Variants in STK3 observed in about 807,000 individuals in gnomAD.
STK3 encodes serine/threonine-protein kinase 3.
Under a neutral mutation model 58.0 loss-of-function variants are expected in STK3, and 41 were observed. The observed-to-expected ratio is 0.71, with a 90% CI of 0.55 to 0.92. The LOEUF (loss-of-function observed/expected upper bound fraction) is 0.92. Among genes scored for constraint, STK3 ranks in the 40% least tolerant of loss-of-function variants. The probability of loss-of-function intolerance (pLI) is 0.00; values close to 1 mark genes in which losing one functional copy is unlikely to be tolerated. For missense variants in STK3, 479 were observed against 602.7 expected (o/e 0.79, Z 2.15); for synonymous variants, 170 against 191.0 (o/e 0.89, Z 0.91).
intron 8 of STK3, among the ~76,000 whole-genome samples, chr8:98,563,689 A>C (rs1812245718): frequency 6.6e-6 from 1 of 152,126 alleles, no homozygotes; most frequent in Admixed American, 6.6e-5. Context: ...AACAAAACAA[A>C]ACCGCACAAT....
At chr8:98,597,530 A>G (rs576851416) in intron 6 of STK3, 3 of 985,430 alleles carry the variant, frequency 3.0e-6, no homozygotes, top group East Asian at 2.3e-4. Context: ...GTTCAGAACA[A>G]TGCTATAATT....
At chr8:98,816,964 AG>A (rs1834592488) in intron 1 of STK3, among the ~76,000 whole-genome samples, 1 of 152,200 alleles carries the variant, frequency 6.6e-6, no homozygotes, top group Non-Finnish European at 1.5e-5. Flanking sequence ...TCTCAACCTG[AG>A]GGGTGATTAC....
chr8:98,750,913 T>G lies in STK3; in HGVS notation c.237-1523A>C, dbSNP rs185482902. 2.7e-3 allele frequency among the ~76,000 whole-genome samples: 407 copies of G among 152,322 alleles called. 10 individuals carry two copies. Among genetic ancestry groups the G allele is most frequent in the Admixed American group, 0.021 (328 of 15,290 alleles). ...AAAAACCTAACTCACCACAGTCAAG[T>G]AGGCTTTCTCTTTGGGATGCAAGAT... On this transcript the variant is annotated intron_variant, in intron 3 of 10. Coordinates refer to ENST00000419617, the MANE Select transcript of STK3 (RefSeq NM_006281.4).
At chr8:98,527,608 A>T (rs1021241952) in intron 9 of STK3, among the ~76,000 whole-genome samples, 5 of 152,188 alleles carry the variant, frequency 3.3e-5, no homozygotes, top group African/African-American at 1.2e-4. Flanking sequence ...CAACAGAGCA[A>T]GACCCTGTTC....
chr8:98,413,295 G>A (rs1480890985), intron 3 of STK3: 12 of 448,926 alleles, frequency 2.7e-5, no homozygotes, highest in Middle Eastern at 8.1e-4. Context: ...GATTACAGGC[G>A]CAAGCCACCA....
At chr8:98,832,804 C>A (rs1158513496) in intron 3 of STK3, among the ~76,000 whole-genome samples, 2 of 152,148 alleles carry the variant, frequency 1.3e-5, no homozygotes, top group Non-Finnish European at 2.9e-5. Context: ...TCTCCCTCCC[C>A]TCAGAGGACA....
intron 3 of STK3, chr8:98,413,272 C>A: frequency 2.6e-6 from 1 of 389,166 alleles, no homozygotes; most frequent in Non-Finnish European, 5.0e-6. Context: ...GCCTTGGCTT[C>A]CCAAAGTATT....
chr8:98,525,442 AG>A, intron 10 of STK3, among the ~76,000 whole-genome samples: 1 of 152,148 alleles, frequency 6.6e-6, no homozygotes, highest in Middle Eastern at 3.4e-3. Context: ...AAAAAAAAAA[AG>A]ATTTATTCCA....
chr8:98,924,127 T>C (rs1173971768), intron 1 of STK3, among the ~76,000 whole-genome samples: 1 of 152,162 alleles, frequency 6.6e-6, no homozygotes, highest in East Asian at 1.9e-4. Context: ...AGACAAAGAT[T>C]CCGTTTTTGT....
intron 4 of STK3, among the ~76,000 whole-genome samples, chr8:98,707,614 G>A (rs978487580): frequency 9.2e-5 from 14 of 151,782 alleles, no homozygotes; most frequent in Non-Finnish European, 1.5e-5. Context: ...TATGTTGCCC[G>A]GGCTGGTCTT....
chr8:98,769,103 T>C (rs968108195), intron 2 of STK3, among the ~76,000 whole-genome samples: 17 of 152,366 alleles, frequency 1.1e-4, no homozygotes, highest in African/African-American at 4.1e-4. Flanking sequence ...CATTACTAAA[T>C]TCTTCATATC....
intron 6 of STK3, among the ~76,000 whole-genome samples, chr8:98,671,478 TTTATA>T (rs1240163317): frequency 6.6e-6 from 1 of 152,190 alleles, no homozygotes; most frequent in Non-Finnish European, 1.5e-5. Flanking sequence ...AATAAAATAT[TTTATA>T]TTATATGAAA....
chr8:98,681,436 T>TA (rs751917304), intron 6 of STK3, among the ~76,000 whole-genome samples: 233 of 150,504 alleles, frequency 1.5e-3, no homozygotes, highest in South Asian at 1.3e-3. Flanking sequence ...GCCAAAACTG[T>TA]AAAAAAAAAT....
At chr8:98,692,866 G>A (rs1276033694) in intron 6 of STK3, among the ~76,000 whole-genome samples, 2 of 151,964 alleles carry the variant, frequency 1.3e-5, no homozygotes, top group African/African-American at 4.8e-5. Flanking sequence ...AACATATTAT[G>A]GGGAGTGTAG....
intron 6 of STK3, among the ~76,000 whole-genome samples, chr8:98,605,456 G>T (rs1407342395): frequency 4.2e-5 from 6 of 142,826 alleles, no homozygotes; most frequent in Non-Finnish European, 6.1e-5. Context: ...TTTTTTTTGA[G>T]GCAGAGTTTC....
intron 1 of STK3, among the ~76,000 whole-genome samples, chr8:98,893,473 A>G (rs951839973): frequency 0.015 from 1,288 of 83,426 alleles, 22 homozygotes; most frequent in Non-Finnish European, 0.022. Context: ...AAAGAAAGAA[A>G]GAAAGAAAGA....
chr8:98,409,662 C>A (rs1450304906), intron 3 of STK3, among the ~76,000 whole-genome samples: 1 of 152,274 alleles, frequency 6.6e-6, no homozygotes, highest in East Asian at 1.9e-4. Flanking sequence ...ATTCCAGATT[C>A]TCTGTCCTGT....
At chr8:98,491,189 G>GAGAC (rs1328389057) in intron 10 of STK3, among the ~76,000 whole-genome samples, 1 of 151,434 alleles carries the variant, frequency 6.6e-6, no homozygotes, top group African/African-American at 2.4e-5. Context: ...GAGAGAGAGA[G>GAGAC]AGAGAGAGAG....
intron 6 of STK3, chr8:98,597,275 G>A: frequency 1.0e-6 from 1 of 985,316 alleles, no homozygotes; most frequent in Non-Finnish European, 1.2e-6. Context: ...TGGACTTTCT[G>A]TGGACACAGC....
Sources: gnomAD v4.1 joint callset for allele counts (sites outside exome capture counted in the v4.1 genomes callset) on GRCh38, gnomAD v4.1.1 for gene constraint, MANE v1.5 for transcripts, NCBI Gene and HGNC (gene_info 2026-07-23, HGNC 2026-07-21) for gene names.